The following CACNA1C variants were observed in gnomAD, a reference collection of about 807,000 sequenced individuals.
CACNA1C encodes calcium voltage-gated channel subunit alpha1 C.
A neutral mutation model predicts 229.0 loss-of-function variants in CACNA1C; 30 were observed. That is an observed-to-expected ratio of 0.13 (90% confidence interval 0.10 to 0.18). The LOEUF (loss-of-function observed/expected upper bound fraction) is 0.18, where lower values mean the gene tolerates loss of function less well. Among genes scored for constraint, CACNA1C ranks in the 10% least tolerant of loss-of-function variants. The pLI is 1.00. For synonymous variants in CACNA1C, 1,114 were observed against 1,132.5 expected, an observed-to-expected ratio of 0.98 and a Z score of 0.33; for missense variants, 1,658 against 2,845.0, an observed-to-expected ratio of 0.58 and a Z score of 9.49.
chr12:2,223,168 C>T (rs974656894), intron 3 of CACNA1C, among the ~76,000 whole-genome samples: 4 of 152,162 alleles, frequency 2.6e-5, no homozygotes, highest in African/African-American at 4.8e-5. Context: ...TTGTCTGCAT[C>T]GGAATGTCTT....
chr12:2,050,319 C>T (rs1346658654), upstream of CACNA1C, among the ~76,000 whole-genome samples: 2 of 152,164 alleles, frequency 1.3e-5, no homozygotes, highest in Non-Finnish European at 2.9e-5. Flanking sequence ...CATTGTAATT[C>T]AAGTCTCGAA....
chr12:2,391,668 G>A (rs2098482299), intron 3 of CACNA1C, among the ~76,000 whole-genome samples: 1 of 152,178 alleles, frequency 6.6e-6, no homozygotes, highest in Non-Finnish European at 1.5e-5. Flanking sequence ...GACAAGGTGT[G>A]AAGATGGAGG....
At chr12:2,344,608 G>A (rs1301515141) in intron 3 of CACNA1C, among the ~76,000 whole-genome samples, 2 of 152,036 alleles carry the variant, frequency 1.3e-5, no homozygotes, top group African/African-American at 2.4e-5. Flanking sequence ...TCTTGAGTGC[G>A]GAGTCTGTGG....
At position 2,653,599 on chromosome 12, in the gene CACNA1C, C is replaced by G. The variant is rs1232226690; in HGVS notation, c.4075-236C>G. 6.6e-6 allele frequency among the ~76,000 whole-genome samples: 1 copy of G among 152,166 alleles called. No individual in the cohort carries two copies. Reference sequence around the variant, plus strand: ...ATTGTTTTGCCCAGGTAGTGTCGCACTATATCGTTACTCTGCGGCCTGCTT... The same window carrying G: ...ATTGTTTTGCCCAGGTAGTGTCGCAGTATATCGTTACTCTGCGGCCTGCTT... On this transcript the variant is annotated intron_variant, in intron 32 of 46. Coordinates refer to ENST00000399655, the MANE Select transcript of CACNA1C (RefSeq NM_000719.7). This position sits in a 1 kb window ranked among gnomAD's most constrained non-coding sequence, Gnocchi z 4.7.
At chr12:2,491,515 G>A (rs2099733583) in intron 6 of CACNA1C, among the ~76,000 whole-genome samples, 1 of 149,098 alleles carries the variant, frequency 6.7e-6, no homozygotes, top group South Asian at 2.1e-4. Context: ...CAAGGAGGAG[G>A]AGGAGGCCAC....
At chr12:2,106,679 T>C (rs2078878908) in intron 1 of CACNA1C, among the ~76,000 whole-genome samples, 1 of 70,004 alleles carries the variant, frequency 1.4e-5, no homozygotes, top group Non-Finnish European at 3.1e-5. Context: ...TGGGGCGTCC[T>C]GAAGCCACTG....
chr12:2,292,780 A>G lies in CACNA1C; in HGVS notation c.478-156196A>G, dbSNP rs117642052. Reference sequence around the variant, plus strand: ...AATCTCTTCCCTGAATGGGCAGCCTATGGGTGAAGGTCCAAGTGGGGATGT... The same window carrying G: ...AATCTCTTCCCTGAATGGGCAGCCTGTGGGTGAAGGTCCAAGTGGGGATGT... On this transcript the variant is annotated intron_variant, in intron 3 of 46. Transcript: ENST00000399655. Among the ~76,000 whole-genome samples, 687 of 152,264 alleles carry G rather than the reference A, an allele frequency of 4.5e-3. 5 individuals are homozygous for G. The highest frequency in any genetic ancestry group is 0.011 in the Admixed American group (172 of 15,294).
At chr12:2,159,584 T>C (rs1415167805) in intron 3 of CACNA1C, among the ~76,000 whole-genome samples, 1 of 151,872 alleles carries the variant, frequency 6.6e-6, no homozygotes, top group Non-Finnish European at 1.5e-5. Context: ...GTTTATCTCC[T>C]TTAGATTTCT....
chr12:2,107,595 C>T (rs1207530150), intron 1 of CACNA1C, among the ~76,000 whole-genome samples: 3 of 152,242 alleles, frequency 2.0e-5, no homozygotes, highest in Non-Finnish European at 4.4e-5. Flanking sequence ...ATGCCAGCTT[C>T]CCCATTTGGC....
intron 3 of CACNA1C, among the ~76,000 whole-genome samples, chr12:2,384,131 G>C (rs1169871587): frequency 6.6e-6 from 1 of 152,192 alleles, no homozygotes. Flanking sequence ...CACCACCCAG[G>C]TTAGCAGCAG....
intron 3 of CACNA1C, among the ~76,000 whole-genome samples, chr12:2,418,591 G>A (rs1201474769): frequency 1.3e-5 from 2 of 151,798 alleles, no homozygotes. Flanking sequence ...AGGCTCTTGT[G>A]TTATGTTCCA....
chr12:2,357,652 G>GT (rs201975554), intron 3 of CACNA1C, among the ~76,000 whole-genome samples: 4 of 136,282 alleles, frequency 2.9e-5, no homozygotes, highest in South Asian at 2.3e-4. Context: ...ATTTGTTTGG[G>GT]TTTTTTTTCC....
chr12:2,412,066 GC>G (rs898994907), intron 3 of CACNA1C, among the ~76,000 whole-genome samples: 6 of 150,062 alleles, frequency 4.0e-5, no homozygotes, highest in East Asian at 2.0e-4. Context: ...CCACGCCCAA[GC>G]CCCCCCCATG....
At chr12:2,210,098 C>G (rs769950505) in intron 3 of CACNA1C, among the ~76,000 whole-genome samples, 1 of 152,078 alleles carries the variant, frequency 6.6e-6, no homozygotes, top group Non-Finnish European at 1.5e-5. Context: ...ATGGCAGATG[C>G]AAAGTAAGAA....
intron 3 of CACNA1C, among the ~76,000 whole-genome samples, chr12:2,372,273 G>A (rs759135371): frequency 4.6e-5 from 7 of 152,168 alleles, no homozygotes; most frequent in Non-Finnish European, 8.8e-5. Context: ...TCAGCTGATT[G>A]GTTTAGGAAG....
intron 5 of CACNA1C, among the ~76,000 whole-genome samples, chr12:2,481,400 A>G (rs1167286879): frequency 6.6e-6 from 1 of 152,244 alleles, no homozygotes; most frequent in East Asian, 1.9e-4. Context: ...TTATAGATGC[A>G]GGTCCTCTAA....
intron 1 of CACNA1C, among the ~76,000 whole-genome samples, chr12:2,023,131 G>A (rs893558081): frequency 6.6e-6 from 1 of 152,162 alleles, no homozygotes; most frequent in Non-Finnish European, 1.5e-5. Context: ...CATTAAAAAC[G>A]AAAGAAAACA....
At chr12:2,065,057 C>A (rs918961418) in intron 1 of CACNA1C, among the ~76,000 whole-genome samples, 2 of 152,208 alleles carry the variant, frequency 1.3e-5, no homozygotes, top group East Asian at 3.9e-4. Flanking sequence ...CCTCACACCC[C>A]CTCACTGGCC....
intron 3 of CACNA1C, among the ~76,000 whole-genome samples, chr12:2,259,612 C>G (rs1403147956): frequency 6.6e-6 from 1 of 152,124 alleles, no homozygotes. Flanking sequence ...GGCCCGGAGA[C>G]AGCCTGTCAT....
Sources: gnomAD v4.1 joint callset for allele counts (sites outside exome capture counted in the v4.1 genomes callset) on GRCh38, gnomAD v4.1.1 for gene constraint, Gnocchi (gnomAD v3.1) non-coding constraint, MANE v1.5 for transcripts, NCBI Gene and HGNC (gene_info 2026-07-23, HGNC 2026-07-21) for gene names.